Variants in MCC observed in about 807,000 individuals in gnomAD.
The protein encoded by MCC is colorectal mutant cancer protein.
MCC carries 90 observed loss-of-function variants against 116.2 expected under a neutral mutation model. The ratio of observed to expected loss-of-function variants is 0.77; its 90% CI spans 0.65 to 0.92. The LOEUF (loss-of-function observed/expected upper bound fraction) is 0.92, where lower values mean the gene tolerates loss of function less well. MCC is among the 40% of genes least tolerant of loss of function. The probability of loss-of-function intolerance (pLI) is 0.00; values close to 1 mark genes in which losing one functional copy is unlikely to be tolerated. For synonymous variants in MCC, 578 were observed against 510.5 expected (o/e 1.13, Z -1.78); for missense variants, 1,516 against 1,312.2 (o/e 1.16, Z -2.40).
At chr5:113,108,331 TAAAAAAA>T (rs56780207) in intron 6 of MCC, among the ~76,000 whole-genome samples, 2 of 42,766 alleles carry the variant, frequency 4.7e-5, no homozygotes, top group Non-Finnish European at 8.7e-5. Flanking sequence ...CACTCTATCT[TAAAAAAA>T]AAAAAAAAAA....
At chr5:113,047,998 G>A (rs1561751672) in intron 16 of MCC, among the ~76,000 whole-genome samples, 2 of 152,184 alleles carry the variant, frequency 1.3e-5, no homozygotes, top group African/African-American at 2.4e-5. Flanking sequence ...CGGTAGCAAC[G>A]CCAGCAGGAA....
intron 3 of MCC, chr5:113,269,207 G>C: frequency 1.0e-6 from 1 of 985,364 alleles, no homozygotes; most frequent in Non-Finnish European, 1.2e-6. Context: ...TTCCCTCCCT[G>C]GCGTCAGGGC....
chr5:113,024,955 A>G lies in MCC; in HGVS notation c.*2347T>C, dbSNP rs1009337814. ...AATCACATTTGAAAGTACTAAAACT[A>G]AGGTCAGGTAGCATGAGTAAAACTG... On this transcript the variant is annotated 3_prime_UTR_variant, in exon 19 of 19. Transcript: ENST00000408903. The G allele has an allele frequency of 3.3e-5, 5 of 152,172 alleles. No individual in the cohort carries two copies. Among genetic ancestry groups the G allele is most frequent in the Non-Finnish European group, 7.3e-5 (5 of 68,030 alleles). 9.4% of individuals were successfully genotyped at this position (152,172 alleles called of 1,614,324 possible).
chr5:113,239,395 TC>T (rs1764275036), intron 3 of MCC, among the ~76,000 whole-genome samples: 1 of 152,146 alleles, frequency 6.6e-6, no homozygotes, highest in South Asian at 2.1e-4. Context: ...AGCAGGGTAC[TC>T]CCTTTCTCCA....
intron 3 of MCC, among the ~76,000 whole-genome samples, chr5:113,216,659 G>C (rs1232015913): frequency 6.6e-6 from 1 of 152,176 alleles, no homozygotes; most frequent in Non-Finnish European, 1.5e-5. Flanking sequence ...TATATTTAAA[G>C]GCTCAGCCAT....
intron 3 of MCC, among the ~76,000 whole-genome samples, chr5:113,282,415 T>G (rs1766082565): frequency 1.3e-5 from 2 of 152,196 alleles, no homozygotes; most frequent in South Asian, 4.1e-4. Context: ...GACAGCATTT[T>G]CATAAGCAGT....
chr5:113,396,098 C>G (rs1769519258), intron 1 of MCC, among the ~76,000 whole-genome samples: 1 of 152,102 alleles, frequency 6.6e-6, no homozygotes, highest in Admixed American at 6.5e-5. Context: ...GAGGCCGAGG[C>G]AGGAGGATTG....
chr5:113,375,096 G>A (rs771684752), intron 2 of MCC, among the ~76,000 whole-genome samples: 2 of 151,890 alleles, frequency 1.3e-5, no homozygotes, highest in Non-Finnish European at 2.9e-5. Context: ...ATATAACTCG[G>A]TATGATGCAC....
chr5:113,298,672 G>A (rs752509639), intron 3 of MCC, among the ~76,000 whole-genome samples: 1 of 152,144 alleles, frequency 6.6e-6, no homozygotes, highest in Non-Finnish European at 1.5e-5. Context: ...TATGAGATTA[G>A]CTTTGGAGTA....
intron 3 of MCC, among the ~76,000 whole-genome samples, chr5:113,307,667 C>G (rs1767022226): frequency 6.6e-6 from 1 of 152,120 alleles, no homozygotes; most frequent in Admixed American, 6.6e-5. Context: ...GCTAGCATCT[C>G]TAGTATAATG....
intron 13 of MCC, among the ~76,000 whole-genome samples, chr5:113,064,843 A>C (rs980304536): frequency 6.6e-6 from 1 of 152,194 alleles, no homozygotes; most frequent in Non-Finnish European, 1.5e-5. Context: ...CAAAATGTTC[A>C]CATTCCTATT....
At chr5:113,400,841 T>A (rs1303685006) in intron 1 of MCC, among the ~76,000 whole-genome samples, 1 of 152,216 alleles carries the variant, frequency 6.6e-6, no homozygotes, top group Non-Finnish European at 1.5e-5. Flanking sequence ...AGATGTAGAA[T>A]CTTACAGTGA....
chr5:113,467,421 G>T (rs1771941721), intron 1 of MCC, among the ~76,000 whole-genome samples: 1 of 152,092 alleles, frequency 6.6e-6, no homozygotes, highest in South Asian at 2.1e-4. Context: ...AGTTTTCCCA[G>T]CACCATTTAT....
chr5:113,082,852 C>G lies in MCC; in HGVS notation c.1784+8G>C, dbSNP rs1409479264. The G allele has an allele frequency of 3.1e-6, 5 of 1,613,588 alleles. No individual in the cohort carries two copies. The highest frequency in any genetic ancestry group is 4.2e-6 in the Non-Finnish European group (5 of 1,179,732). ...CCCCACAATCAAATCGATACGATCTCTCCTCACCTATTCAGCCGTTCTGTT... is the reference window on the plus strand; with the variant it reads ...CCCCACAATCAAATCGATACGATCTGTCCTCACCTATTCAGCCGTTCTGTT... On this transcript the variant is annotated splice_region_variant and intron_variant, in intron 11 of 18. Transcript: ENST00000408903.
chr5:113,372,955 G>A (rs1454656678), intron 2 of MCC, among the ~76,000 whole-genome samples: 2 of 152,086 alleles, frequency 1.3e-5, no homozygotes, highest in Non-Finnish European at 2.9e-5. Context: ...GAGGCGGGCG[G>A]TTCACGTGGT....
chr5:113,097,326 T>C (rs1442172379), intron 8 of MCC, among the ~76,000 whole-genome samples: 1 of 152,222 alleles, frequency 6.6e-6, no homozygotes, highest in Non-Finnish European at 1.5e-5. Context: ...TCTATGTATA[T>C]ACTTCTGCAT....
intron 1 of MCC, among the ~76,000 whole-genome samples, chr5:113,426,393 C>T (rs375498947): frequency 1.3e-5 from 2 of 152,204 alleles, no homozygotes; most frequent in East Asian, 3.8e-4. Flanking sequence ...GTGCCATAAA[C>T]AGCCCCTCAA....
At chr5:113,099,487 T>C (rs1756261333) in intron 8 of MCC, among the ~76,000 whole-genome samples, 1 of 152,262 alleles carries the variant, frequency 6.6e-6, no homozygotes, top group African/African-American at 2.4e-5. Flanking sequence ...AAAGAACTAC[T>C]ACTAATTTTT....
chr5:113,168,443 G>C (rs1043440979), intron 3 of MCC, among the ~76,000 whole-genome samples: 1 of 152,184 alleles, frequency 6.6e-6, no homozygotes. Flanking sequence ...TATGGAGAAA[G>C]ATTTTCACAT....
Sources: allele counts gnomAD v4.1 joint callset (sites outside exome capture counted in the v4.1 genomes callset), GRCh38; gene constraint gnomAD v4.1.1; transcripts MANE v1.5; gene names NCBI Gene and HGNC (gene_info 2026-07-23, HGNC 2026-07-21).